KCNQ5: variants seen among roughly 807,000 people sequenced by gnomAD.
KCNQ5 encodes the protein potassium voltage-gated channel subfamily KQT member 5.
In KCNQ5, 30 loss-of-function variants were observed where a neutral mutation model predicts 98.2. The observed-to-expected ratio is 0.31, with a 90% CI of 0.23 to 0.41. The LOEUF is 0.41. Ranked by LOEUF, KCNQ5 falls within the 10% of genes least tolerant of loss-of-function variation. The pLI is 1.00. For missense variants in KCNQ5, 835 were observed against 1,182.5 expected, an observed-to-expected ratio of 0.71 and a Z score of 4.31; for synonymous variants, 458 against 449.4, an observed-to-expected ratio of 1.02 and a Z score of -0.24.
In KCNQ5 at chr6:72,622,647, G is replaced by C. The variant is rs2098915951; in HGVS notation, c.398+60G>C. On this transcript the variant is annotated intron_variant, in intron 1 of 13. Transcript: ENST00000370398. This position sits in a 1 kb window ranked among gnomAD's most constrained non-coding sequence, Gnocchi z 6.0. ...GGGGACCACTGTCCCTGGCCCCCTG[G>C]GGCGTGCTCCGCGCTCGCGCCCTTG... The C allele has an allele frequency of 1.9e-6, 3 of 1,582,000 alleles. No individual in the cohort carries two copies. The highest frequency in any genetic ancestry group is 2.6e-6 in the Non-Finnish European group (3 of 1,164,042).
intron 5 of KCNQ5, among the ~76,000 whole-genome samples, chr6:73,090,618 C>G (rs1464536492): frequency 6.6e-6 from 1 of 152,142 alleles, no homozygotes; most frequent in Non-Finnish European, 1.5e-5. Context: ...CAGTTTAATT[C>G]TCCTACATAT....
intron 1 of KCNQ5, among the ~76,000 whole-genome samples, chr6:72,631,795 C>T (rs980743622): frequency 6.6e-6 from 1 of 152,154 alleles, no homozygotes; most frequent in African/African-American, 2.4e-5. Context: ...AAAGGAAAAT[C>T]AAGAGAGAAT....
At chr6:73,158,552 C>A (rs1253554347) in intron 10 of KCNQ5, among the ~76,000 whole-genome samples, 1 of 152,112 alleles carries the variant, frequency 6.6e-6, no homozygotes. Context: ...AGACATGAGC[C>A]ACCGCACCCG....
At chr6:73,193,499 T>TAAAAC (rs1765675575) in intron 13 of KCNQ5, among the ~76,000 whole-genome samples, 1 of 148,832 alleles carries the variant, frequency 6.7e-6, no homozygotes, top group African/African-American at 2.4e-5. Flanking sequence ...TAAAATAAAA[T>TAAAAC]AAAATAAAAT....
At chr6:72,884,592 A>G (rs1230556444) in intron 1 of KCNQ5, among the ~76,000 whole-genome samples, 1 of 151,104 alleles carries the variant, frequency 6.6e-6, no homozygotes, top group Non-Finnish European at 1.5e-5. Flanking sequence ...AGCAATAGAA[A>G]TCATTATAAA....
intron 1 of KCNQ5, among the ~76,000 whole-genome samples, chr6:72,719,972 C>T (rs1011476809): frequency 6.6e-6 from 1 of 152,154 alleles, no homozygotes; most frequent in Non-Finnish European, 1.5e-5. Context: ...CTTTCTATGC[C>T]TGATATGTAC....
At chr6:72,741,700 G>A (rs1008007300) in intron 1 of KCNQ5, among the ~76,000 whole-genome samples, 5 of 152,070 alleles carry the variant, frequency 3.3e-5, no homozygotes, top group African/African-American at 1.2e-4. Context: ...CACAAAATGA[G>A]AGGAAACATA....
rs546851616 is a variant in KCNQ5, at chr6:73,193,304, G to A, written c.1836+613G>A. Reference sequence around the variant, plus strand: ...CAAAGTGCTGAGATTACAGGCGTGAGCCATAGCACTCTGCAGGTCACTCCT... The same window carrying A: ...CAAAGTGCTGAGATTACAGGCGTGAACCATAGCACTCTGCAGGTCACTCCT... On this transcript the variant is annotated intron_variant, in intron 13 of 13. Coordinates refer to ENST00000370398, the MANE Select transcript of KCNQ5 (RefSeq NM_019842.4). 2.6e-5 allele frequency among the ~76,000 whole-genome samples: 4 copies of A among 151,752 alleles called. No individual in the cohort carries two copies. The East Asian group carries it at 7.8e-4, about 30-fold the overall frequency.
chr6:72,849,448 T>A (rs907268907), intron 1 of KCNQ5, among the ~76,000 whole-genome samples: 8 of 152,128 alleles, frequency 5.3e-5, no homozygotes, highest in African/African-American at 1.9e-4. Context: ...CTTGCCAACA[T>A]CTGTTATTTT....
At chr6:72,656,919 G>T (rs899982066) in intron 1 of KCNQ5, among the ~76,000 whole-genome samples, 1 of 152,096 alleles carries the variant, frequency 6.6e-6, no homozygotes, top group African/African-American at 2.4e-5. Context: ...CCCAAACCCT[G>T]TGAATCAAGG....
In KCNQ5 at chr6:73,162,580, C is replaced by T. The variant is rs1490311423; in HGVS notation, c.1469-7166C>T. On this transcript the variant is annotated intron_variant, in intron 10 of 13. Coordinates refer to ENST00000370398, the MANE Select transcript of KCNQ5 (RefSeq NM_019842.4). ...GTGTAGTTGGAGAACAGAGGGCCAG[C>T]CTCAGCTGGAAATATAGCCCCTCCT... 4.6e-5 allele frequency among the ~76,000 whole-genome samples: 7 copies of T among 152,270 alleles called. No individual in the cohort carries two copies. In the South Asian group the frequency reaches 1.0e-3, roughly 23 times the overall value.
intron 3 of KCNQ5, chr6:73,055,271 A>G: frequency 3.7e-6 from 5 of 1,353,406 alleles, no homozygotes; most frequent in Non-Finnish European, 5.3e-6. Context: ...ATTGCAGAAG[A>G]GAGCGATCCC....
intron 10 of KCNQ5, among the ~76,000 whole-genome samples, chr6:73,142,811 G>T (rs936111710): frequency 6.6e-6 from 1 of 152,114 alleles, no homozygotes; most frequent in African/African-American, 2.4e-5. Context: ...AGCTACTCAG[G>T]AGGCTGAGGC....
At chr6:72,629,206 A>G (rs1013096802) in intron 1 of KCNQ5, among the ~76,000 whole-genome samples, 1 of 152,144 alleles carries the variant, frequency 6.6e-6, no homozygotes, top group Non-Finnish European at 1.5e-5. Flanking sequence ...AATTAGACCT[A>G]ATGAATTACT....
intron 2 of KCNQ5, among the ~76,000 whole-genome samples, chr6:73,016,299 G>A (rs1023003722): frequency 6.6e-6 from 1 of 151,976 alleles, no homozygotes; most frequent in African/African-American, 2.4e-5. Context: ...CTTTAGACAG[G>A]AGCATACCTG....
intron 1 of KCNQ5, among the ~76,000 whole-genome samples, chr6:72,971,089 C>A (rs1767870853): frequency 6.6e-6 from 1 of 151,990 alleles, no homozygotes. Flanking sequence ...AAAATTTTTG[C>A]AATCTACTCA....
chr6:73,146,092 G>T (rs1355991596), intron 10 of KCNQ5, among the ~76,000 whole-genome samples: 2 of 152,128 alleles, frequency 1.3e-5, no homozygotes, highest in African/African-American at 4.8e-5. Context: ...ACCATATCAA[G>T]ATCTATTTAG....
At chr6:73,107,763 A>G (rs576149206) in intron 6 of KCNQ5, among the ~76,000 whole-genome samples, 4 of 152,356 alleles carry the variant, frequency 2.6e-5, no homozygotes, top group Non-Finnish European at 4.4e-5. Context: ...AAATTAACCT[A>G]TGTTGGAAAT....
At chr6:72,799,695 T>C (rs1338919302) in intron 1 of KCNQ5, among the ~76,000 whole-genome samples, 1 of 152,220 alleles carries the variant, frequency 6.6e-6, no homozygotes, top group Non-Finnish European at 1.5e-5. Flanking sequence ...GCACTGAAAC[T>C]GGTTCTTGGC....
Sources: gnomAD v4.1 joint callset for allele counts (sites outside exome capture counted in the v4.1 genomes callset) on GRCh38, gnomAD v4.1.1 for gene constraint, Gnocchi (gnomAD v3.1) non-coding constraint, MANE v1.5 for transcripts, NCBI Gene and HGNC (gene_info 2026-07-23, HGNC 2026-07-21) for gene names.